POFUT2: variants seen among roughly 807,000 people sequenced by gnomAD.
POFUT2 encodes GDP-fucose protein O-fucosyltransferase 2.
A neutral mutation model predicts 55.0 loss-of-function variants in POFUT2; 30 were observed. The observed-to-expected ratio is 0.55, with a 90% CI of 0.41 to 0.74. The LOEUF is 0.74. POFUT2 is among the 30% of genes least tolerant of loss of function. The pLI is 0.00. For missense variants in POFUT2, 524 were observed against 562.6 expected (o/e 0.93, Z 0.69); for synonymous variants, 267 against 231.1 (o/e 1.16, Z -1.41).
chr21:45,278,826 C>T lies in POFUT2; in HGVS notation c.639-657G>A, dbSNP rs557584098. Among the ~76,000 whole-genome samples, 3 of 152,320 alleles carry T rather than the reference C, an allele frequency of 2.0e-5. No individual in the cohort carries two copies. The South Asian group carries it at 6.2e-4, about 32-fold the overall frequency. On this transcript the variant is annotated intron_variant, in intron 4 of 8. Coordinates refer to ENST00000349485, the MANE Select transcript of POFUT2 (RefSeq NM_133635.6). The stretch of plus-strand genomic sequence containing the variant: ...CCAGCTGGCCTTTATCTCAGACTCG[C>T]AGGCAGGTGCCTCCTCCTCAGTGCC...
rs2093137278 is a variant in POFUT2 at position 45,264,583 on chromosome 21, A to C, written c.*899T>G. On this transcript the variant is annotated 3_prime_UTR_variant, in exon 9 of 9. Coordinates refer to ENST00000349485, the MANE Select transcript of POFUT2 (RefSeq NM_133635.6). Reference sequence around the variant, plus strand: ...AGCGTAACTGTCCTTCCTCATTTCTAGTTCTCAATAGCGAATGGCAGACCT... The same window carrying C: ...AGCGTAACTGTCCTTCCTCATTTCTCGTTCTCAATAGCGAATGGCAGACCT... 6.6e-6 allele frequency: 1 copy of C among 151,834 alleles called. No homozygotes were observed. Among genetic ancestry groups the C allele is most frequent in the Non-Finnish European group, 1.5e-5 (1 of 68,026 alleles). The allele number at this position is 151,834 out of a possible 1,614,324, so 9.4% of individuals were successfully genotyped here. A position where few individuals can be genotyped will look rare whatever the true frequency, so the allele number is the denominator to read the frequency against.
At chr21:45,276,140 G>C (rs2093261146) in intron 6 of POFUT2, among the ~76,000 whole-genome samples, 1 of 152,068 alleles carries the variant, frequency 6.6e-6, no homozygotes, top group Non-Finnish European at 1.5e-5. Context: ...AGTGAGCTGA[G>C]ATCGTGTCAC....
chr21:45,277,469 C>T lies in POFUT2; in HGVS notation c.706-327G>A. 2.8e-6 allele frequency: 1 copy of T among 351,682 alleles called. No homozygotes were observed. The highest frequency in any genetic ancestry group is 2.9e-5 in the South Asian group (1 of 34,484). 21.8% of individuals were successfully genotyped at this position (351,682 alleles called of 1,614,324 possible). A position where few individuals can be genotyped will look rare whatever the true frequency, so the allele number is the denominator to read the frequency against. On this transcript the variant is annotated intron_variant, in intron 5 of 8. Transcript: ENST00000349485. The surrounding 1 kb of genome is among the most constrained non-coding windows in gnomAD (Gnocchi z 6.9). ...CAGCTCCTTCCCCTCAGTCTCTCCCCAACTCGACTTCTAGCTTAGGCGGTT... is the reference window on the plus strand; with the variant it reads ...CAGCTCCTTCCCCTCAGTCTCTCCCTAACTCGACTTCTAGCTTAGGCGGTT...
rs2030010398 is a variant in POFUT2 at position 45,277,987 on chromosome 21, A to T, written c.705+116T>A. 1.1e-6 allele frequency: 1 copy of T among 912,142 alleles called. No homozygotes were observed. The highest frequency in any genetic ancestry group is 1.8e-6 in the Non-Finnish European group (1 of 553,674). 56.5% of individuals were successfully genotyped at this position (912,142 alleles called of 1,614,324 possible). On this transcript the variant is annotated intron_variant, in intron 5 of 8. Coordinates refer to ENST00000349485, the MANE Select transcript of POFUT2 (RefSeq NM_133635.6). The surrounding 1 kb of genome is among the most constrained non-coding windows in gnomAD (Gnocchi z 6.9). ...CAGTTGCCCAAATCCATGGCTTAAA[A>T]TGATGGTTTTAATCAGCAAGGTTCA...
Position 45,265,486 on chromosome 21 carries a change from T to C in POFUT2, c.1286A>G (p.Tyr429Cys), listed in dbSNP as rs1176284134. 2 of 1,612,396 alleles carry C rather than the reference T, an allele frequency of 1.2e-6. No homozygotes were observed. Among genetic ancestry groups the C allele is most frequent in the South Asian group, 1.1e-5 (1 of 90,890 alleles). The change falls in exon 9 of 9, where the codon TAC becomes TGC. Residue 429 changes from tyrosine (Y) to cysteine (C), a missense_variant. Coordinates refer to ENST00000349485, the MANE Select transcript of POFUT2 (RefSeq NM_133635.6). This position sits in a 1 kb window ranked among gnomAD's most constrained non-coding sequence, Gnocchi z 4.6. ...CEQPTHWKIT[Y>C] ...AGCGGCCCTGGAGGATCCTCCTCAG[T>C]AGGTGATCTTCCAGTGGGTGGGTTG...
intron 7 of POFUT2, among the ~76,000 whole-genome samples, chr21:45,268,001 C>G (rs1602152832): frequency 6.6e-6 from 1 of 152,150 alleles, no homozygotes; most frequent in Non-Finnish European, 1.5e-5. Flanking sequence ...TCTCCCTCTC[C>G]CCACGGTCTC....
rs1456823680 is a variant in POFUT2, at chr21:45,265,744, C to A, written c.1137-109G>T. 12 of 1,494,424 alleles carry A rather than the reference C, an allele frequency of 8.0e-6. No individual in the cohort carries two copies. The highest frequency in any genetic ancestry group is 1.3e-5 in the South Asian group (1 of 75,028). The allele number at this position is 1,494,424 out of a possible 1,614,324, so 92.6% of individuals were successfully genotyped here. ...CTGAGTGAAATGAGTTCCACAGTTA[C>A]ATGGAACCAACACGGCCGTCCCCCG... On this transcript the variant is annotated intron_variant, in intron 8 of 8. Coordinates refer to ENST00000349485, the MANE Select transcript of POFUT2 (RefSeq NM_133635.6). The surrounding 1 kb of genome is among the most constrained non-coding windows in gnomAD (Gnocchi z 4.6).
chr21:45,276,888 A>G, intron 6 of POFUT2, 129 bp downstream of exon 6: 1 of 983,192 alleles, frequency 1.0e-6, no homozygotes, highest in South Asian at 1.5e-5. Flanking sequence ...CACATTCCAG[A>G]GAGGCGCCGA....
Position 45,287,788 on chromosome 21 carries a change from G to T in POFUT2, c.84C>A (p.Pro28=). The stretch of plus-strand genomic sequence containing the variant: ...ACAGAATATCGGCCGCCGATTGTCC[G>T]GGCCAGAACTCCTGGCCGGAGGCAG... ...PASASGQEFW[P]GQSAADILSG... is the part of the protein sequence containing the mutation. The change falls in exon 1 of 9, where the codon CCC becomes CCA. Residue 28 remains proline, a synonymous_variant. Coordinates refer to ENST00000349485, the MANE Select transcript of POFUT2 (RefSeq NM_133635.6). The T allele has an allele frequency of 6.6e-7, 1 of 1,509,152 alleles. No homozygotes were observed. The highest frequency in any genetic ancestry group is 8.9e-7 in the Non-Finnish European group (1 of 1,124,460). 93.5% of individuals were successfully genotyped at this position (1,509,152 alleles called of 1,614,324 possible). A position where few individuals can be genotyped will look rare whatever the true frequency, so the allele number is the denominator to read the frequency against.
chr21:45,274,338 TC>T (rs2093244710), intron 6 of POFUT2, among the ~76,000 whole-genome samples: 1 of 152,244 alleles, frequency 6.6e-6, no homozygotes, highest in African/African-American at 2.4e-5. Context: ...TGGAAATACA[TC>T]CCATGCTCAT....
At chr21:45,279,282 C>A (rs2030272664) in intron 4 of POFUT2, among the ~76,000 whole-genome samples, 2 of 152,024 alleles carry the variant, frequency 1.3e-5, no homozygotes, top group Non-Finnish European at 2.9e-5. Context: ...GTAGCCCCAG[C>A]TACTTGGGAG....
rs1335997551 is a variant in POFUT2 at position 45,269,229 on chromosome 21, C to T, written c.1012+610G>A. ...GAGGTGAGGGGCGCCTCTGCCCGGC[C>T]GCCCCTACTGGGAAGTGAAGAGCCC... is the stretch of plus-strand genomic sequence containing the variant. On this transcript the variant is annotated intron_variant, in intron 7 of 8. Transcript: ENST00000349485. Among the ~76,000 whole-genome samples, 1,479 of 150,418 alleles carry T rather than the reference C, an allele frequency of 9.8e-3. 2 individuals carry two copies. The highest frequency in any genetic ancestry group is 0.035 in the African/African-American group (1,405 of 39,904).
chr21:45,283,684 C>T (rs529931030), intron 2 of POFUT2, among the ~76,000 whole-genome samples, 157 bp from the exon 3 acceptor site: 43 of 152,266 alleles, frequency 2.8e-4, no homozygotes, highest in Non-Finnish European at 5.4e-4. Context: ...GGGCAGAGCA[C>T]ATGCCATGAG....
chr21:45,270,024 C>T lies in POFUT2; in HGVS notation c.832-5G>A. On this transcript the variant is annotated splice_region_variant and splice_polypyrimidine_tract_variant and intron_variant, in intron 6 of 8. Coordinates refer to ENST00000349485, the MANE Select transcript of POFUT2 (RefSeq NM_133635.6). This position sits in a 1 kb window ranked among gnomAD's most constrained non-coding sequence, Gnocchi z 4.6. ...TAGCGCGGAGCCCAGCTTGACCTAG[C>T]AAAGAACCACAAGGAAATGCAGAAG... 3 of 1,532,614 alleles carry T rather than the reference C, an allele frequency of 2.0e-6. No homozygotes were observed. The highest frequency in any genetic ancestry group is 2.6e-6 in the Non-Finnish European group (3 of 1,145,404). The allele number at this position is 1,532,614 out of a possible 1,614,324, so 94.9% of individuals were successfully genotyped here. A position where few individuals can be genotyped will look rare whatever the true frequency, so the allele number is the denominator to read the frequency against.
At chr21:45,279,118 G>A (rs1029408800) in intron 4 of POFUT2, among the ~76,000 whole-genome samples, 15 of 152,208 alleles carry the variant, frequency 9.9e-5, no homozygotes, top group African/African-American at 2.9e-4. Flanking sequence ...TTGGCCAGGC[G>A]CAGTGGCTCA....
intron 6 of POFUT2, among the ~76,000 whole-genome samples, chr21:45,272,598 T>C (rs1313080839): frequency 1.3e-5 from 2 of 152,314 alleles, no homozygotes; most frequent in African/African-American, 2.4e-5. Flanking sequence ...CTGCAGAATA[T>C]ACATTCTGTT....
chr21:45,287,671 G>A, intron 1 of POFUT2, 70 bp downstream of exon 1: 1 of 202,518 alleles, frequency 4.9e-6, no homozygotes, highest in Non-Finnish European at 7.2e-6. Context: ...ACCCCGCCCC[G>A]CCCCCATCCC....
rs2093142533 is a variant in POFUT2 at position 45,265,234 on chromosome 21, A to G, written c.*248T>C. 1 of 393,038 alleles carries G rather than the reference A, an allele frequency of 2.5e-6. No individual in the cohort carries two copies. 24.3% of individuals were successfully genotyped at this position (393,038 alleles called of 1,614,324 possible). ...CTGCTGGCAACCGAGCTGTGGGTTC[A>G]CAGACGCTGCCTGAAAACAACCGCC... On this transcript the variant is annotated 3_prime_UTR_variant, in exon 9 of 9. Coordinates refer to ENST00000349485, the MANE Select transcript of POFUT2 (RefSeq NM_133635.6). The surrounding 1 kb of genome is among the most constrained non-coding windows in gnomAD (Gnocchi z 4.6).
rs1049535808 is a variant in POFUT2, at chr21:45,277,316, G to A, written c.706-174C>T. The A allele has an allele frequency of 9.5e-6, 8 of 839,600 alleles. No individual in the cohort carries two copies. Among genetic ancestry groups the A allele is most frequent in the Non-Finnish European group, 1.4e-5 (8 of 561,592 alleles). 52.0% of individuals were successfully genotyped at this position (839,600 alleles called of 1,614,324 possible). ...CCATCCACGGTGGAGGCTCTTGGAGGGTCTCCTGCATGAAGCCAACGCAGG... is the reference window on the plus strand; with the variant it reads ...CCATCCACGGTGGAGGCTCTTGGAGAGTCTCCTGCATGAAGCCAACGCAGG... On this transcript the variant is annotated intron_variant, in intron 5 of 8. Coordinates refer to ENST00000349485, the MANE Select transcript of POFUT2 (RefSeq NM_133635.6). The surrounding 1 kb of genome is among the most constrained non-coding windows in gnomAD (Gnocchi z 6.9).
Sources: allele counts gnomAD v4.1 joint callset (sites outside exome capture counted in the v4.1 genomes callset), GRCh38; gene constraint gnomAD v4.1.1; non-coding constraint Gnocchi (gnomAD v3.1); transcripts MANE v1.5; gene names NCBI Gene and HGNC (gene_info 2026-07-23, HGNC 2026-07-21).